Variants in FARP1 observed in about 807,000 individuals in gnomAD.
FARP1 encodes FERM, ARH/RhoGEF and pleckstrin domain protein 1.
Under a neutral mutation model 128.8 loss-of-function variants are expected in FARP1, and 52 were observed. That is an observed-to-expected ratio of 0.40 (90% CI 0.32 to 0.51). The LOEUF (loss-of-function observed/expected upper bound fraction) is 0.51. Among genes scored for constraint, FARP1 ranks in the 20% least tolerant of loss-of-function variants. The pLI is 0.45. For missense variants in FARP1, 1,333 were observed against 1,367.9 expected, an observed-to-expected ratio of 0.97 and a Z score of 0.40; for synonymous variants, 580 against 551.8, an observed-to-expected ratio of 1.05 and a Z score of -0.72.
chr13:98,327,054 G>A (rs1317223101), intron 2 of FARP1, among the ~76,000 whole-genome samples: 1 of 152,208 alleles, frequency 6.6e-6, no homozygotes, highest in Non-Finnish European at 1.5e-5. Context: ...CTCTATGGAA[G>A]GAGACACACT....
At chr13:98,155,063 G>T (rs1383024988) in intron 1 of FARP1, among the ~76,000 whole-genome samples, 1 of 152,116 alleles carries the variant, frequency 6.6e-6, no homozygotes, top group African/African-American at 2.4e-5. Context: ...AAAGTCAACT[G>T]GGGCCGGGCG....
chr13:98,275,628 C>CT (rs201108793), intron 2 of FARP1, among the ~76,000 whole-genome samples: 1,483 of 67,072 alleles, frequency 0.022, 10 homozygotes, highest in East Asian at 0.08. Context: ...CTCTTTCTCT[C>CT]TTTTTTTTTT....
At chr13:98,209,300 G>A (rs1431614136) in intron 1 of FARP1, among the ~76,000 whole-genome samples, 5 of 151,590 alleles carry the variant, frequency 3.3e-5, no homozygotes, top group East Asian at 2.0e-4. Flanking sequence ...GAGCCACCGC[G>A]CCCAGCCAAC....
intron 2 of FARP1, among the ~76,000 whole-genome samples, chr13:98,223,940 T>C (rs1317207646): frequency 1.3e-5 from 2 of 152,228 alleles, no homozygotes; most frequent in Admixed American, 6.5e-5. Flanking sequence ...CTTCAGCTCA[T>C]TGTTTAGTTT....
chr13:98,375,557 G>A (rs1889543599), intron 5 of FARP1, among the ~76,000 whole-genome samples: 2 of 152,076 alleles, frequency 1.3e-5, no homozygotes, highest in African/African-American at 4.8e-5. Context: ...TGATCTGCCT[G>A]GAATCTACCA....
chr13:98,418,168 G>A (rs1043159032), intron 16 of FARP1, among the ~76,000 whole-genome samples: 2 of 152,150 alleles, frequency 1.3e-5, no homozygotes, highest in African/African-American at 4.8e-5. Flanking sequence ...TCCCACCTCA[G>A]CTTTTCAAGG....
intron 2 of FARP1, among the ~76,000 whole-genome samples, chr13:98,300,567 GTCT>G (rs1885881710): frequency 6.6e-6 from 1 of 152,140 alleles, no homozygotes; most frequent in Non-Finnish European, 1.5e-5. Flanking sequence ...ATGTAAAAGG[GTCT>G]TGCCTTCTGA....
intron 16 of FARP1, among the ~76,000 whole-genome samples, chr13:98,420,826 C>T (rs779627436): frequency 2.0e-5 from 3 of 152,118 alleles, no homozygotes; most frequent in Non-Finnish European, 2.9e-5. Flanking sequence ...ACCTTTTAGC[C>T]GTTCATAATA....
chr13:98,446,315 A>G lies in FARP1; in HGVS notation c.2904+110A>G, dbSNP rs1892832290. The G allele has an allele frequency of 4.3e-6, 3 of 704,502 alleles. No individual in the cohort carries two copies. The East Asian group carries it at 7.7e-5, about 18-fold the overall frequency. The allele number at this position is 704,502 out of a possible 1,614,324, so 43.6% of individuals were successfully genotyped here. A position where few individuals can be genotyped will look rare whatever the true frequency, so the allele number is the denominator to read the frequency against. On this transcript the variant is annotated intron_variant, in intron 25 of 26. Transcript: ENST00000319562. ...TCAGGCCTCTTGGGCTCCAGGTGTC[A>G]CGGGGATGACAGGGATGCTGGCGGG... is the stretch of plus-strand genomic sequence containing the variant.
At chr13:98,219,007 A>G (rs1206998735) in intron 2 of FARP1, among the ~76,000 whole-genome samples, 1 of 152,226 alleles carries the variant, frequency 6.6e-6, no homozygotes, top group Non-Finnish European at 1.5e-5. Context: ...AGTCCCATAC[A>G]TGATTAAACA....
intron 1 of FARP1, among the ~76,000 whole-genome samples, chr13:98,188,780 T>C (rs563397458): frequency 8.3e-4 from 127 of 152,282 alleles, no homozygotes; most frequent in African/African-American, 2.7e-3. Flanking sequence ...GAGAAGTCCC[T>C]GCGAAGTCCT....
intron 17 of FARP1, among the ~76,000 whole-genome samples, chr13:98,430,093 T>A (rs543935929): frequency 1.3e-5 from 2 of 151,072 alleles, no homozygotes; most frequent in African/African-American, 2.4e-5. Flanking sequence ...AAATAAATAA[T>A]TTTTTTTTAA....
At chr13:98,143,760 T>G (rs1875269525) in intron 1 of FARP1, among the ~76,000 whole-genome samples, 1 of 150,750 alleles carries the variant, frequency 6.6e-6, no homozygotes, top group Admixed American at 6.6e-5. Context: ...TCCGCCGACG[T>G]CGGGCTGCGG....
chr13:98,251,868 A>G (rs986211531), intron 2 of FARP1, among the ~76,000 whole-genome samples: 2 of 152,100 alleles, frequency 1.3e-5, no homozygotes, highest in African/African-American at 4.8e-5. Flanking sequence ...GTATTTTGAG[A>G]TGGTGTCTCA....
intron 2 of FARP1, among the ~76,000 whole-genome samples, chr13:98,251,269 T>C (rs2139491495): frequency 6.6e-6 from 1 of 152,340 alleles, no homozygotes; most frequent in South Asian, 2.1e-4. Context: ...AGTTAGACGG[T>C]GGCTAAGGCG....
intron 2 of FARP1, among the ~76,000 whole-genome samples, chr13:98,283,746 C>A (rs74108747): frequency 0.031 from 4,744 of 152,158 alleles, 231 homozygotes; most frequent in African/African-American, 0.1. Flanking sequence ...TATATCTCTG[C>A]AGATGAAGAT....
At chr13:98,300,534 C>A (rs567122737) in intron 2 of FARP1, among the ~76,000 whole-genome samples, 21 of 152,254 alleles carry the variant, frequency 1.4e-4, no homozygotes, top group African/African-American at 5.1e-4. Flanking sequence ...GTTTTATAAA[C>A]ATATACAAAA....
At chr13:98,395,865 A>C (rs1594486213) in intron 13 of FARP1, 1 of 400,346 alleles carries the variant, frequency 2.5e-6, no homozygotes, top group Non-Finnish European at 4.4e-6. Context: ...TGGCCACCCC[A>C]TTGTCTCCCA....
intron 1 of FARP1, among the ~76,000 whole-genome samples, chr13:98,184,114 T>C (rs2139211145): frequency 6.6e-6 from 1 of 152,182 alleles, no homozygotes; most frequent in East Asian, 1.9e-4. Context: ...GCAAGCATTG[T>C]TTTTTGTTTG....
Sources: allele counts gnomAD v4.1 joint callset (sites outside exome capture counted in the v4.1 genomes callset), GRCh38; gene constraint gnomAD v4.1.1; transcripts MANE v1.5; gene names NCBI Gene and HGNC (gene_info 2026-07-23, HGNC 2026-07-21).